Variants in AUTS2 observed in about 807,000 individuals in gnomAD.
AUTS2 encodes the protein activator of transcription and developmental regulator AUTS2, also known as autism susceptibility gene 2 protein.
In AUTS2, 17 loss-of-function variants were observed where a neutral mutation model predicts 112.4. The observed-to-expected ratio is 0.15, with a 90% CI of 0.10 to 0.23. The LOEUF is 0.23. AUTS2 is among the 10% of genes least tolerant of loss of function. The pLI, the probability that AUTS2 is intolerant of heterozygous loss-of-function variation, is 1.00. For missense variants in AUTS2, 1,510 were observed against 1,701.6 expected (o/e 0.89, Z 1.98); for synonymous variants, 751 against 702.7 (o/e 1.07, Z -1.09).
intron 4 of AUTS2, among the ~76,000 whole-genome samples, chr7:70,148,223 G>C (rs1279208500): frequency 6.6e-6 from 1 of 152,062 alleles, no homozygotes; most frequent in African/African-American, 2.4e-5. Flanking sequence ...TGAAAAGTAA[G>C]AAGACTTAGA....
chr7:70,047,980 T>G (rs975042742), intron 2 of AUTS2, among the ~76,000 whole-genome samples: 5 of 152,096 alleles, frequency 3.3e-5, no homozygotes, highest in Non-Finnish European at 5.9e-5. Flanking sequence ...ATTGGGAGCA[T>G]GGGTCTGCTG....
At chr7:70,364,481 G>A (rs1207121692) in intron 4 of AUTS2, among the ~76,000 whole-genome samples, 2 of 151,776 alleles carry the variant, frequency 1.3e-5, no homozygotes, top group Non-Finnish European at 2.9e-5. Context: ...CAGGAGAATT[G>A]CTTGAACCTG....
intron 11 of AUTS2, among the ~76,000 whole-genome samples, chr7:70,772,544 A>G (rs1259931272): frequency 6.6e-6 from 1 of 152,144 alleles, no homozygotes; most frequent in African/African-American, 2.4e-5. Flanking sequence ...TTTCCCCACC[A>G]TCTCATGGCT....
At chr7:69,927,569 C>T (rs1286087647) in intron 2 of AUTS2, among the ~76,000 whole-genome samples, 5 of 152,314 alleles carry the variant, frequency 3.3e-5, no homozygotes, top group African/African-American at 4.8e-5. Flanking sequence ...GGGCTCATTC[C>T]ACCCACTCTG....
At chr7:70,557,350 T>C (rs1801293214) in intron 5 of AUTS2, among the ~76,000 whole-genome samples, 1 of 152,170 alleles carries the variant, frequency 6.6e-6, no homozygotes, top group Non-Finnish European at 1.5e-5. Flanking sequence ...CCCTGGACTT[T>C]CAGCTGGCCA....
chr7:70,628,347 A>G (rs1415180163), intron 5 of AUTS2, among the ~76,000 whole-genome samples: 1 of 6,046 alleles, frequency 1.7e-4, no homozygotes, highest in Admixed American at 1.8e-3. Context: ...TATAGTATAT[A>G]TATATATGTA....
intron 1 of AUTS2, among the ~76,000 whole-genome samples, chr7:69,776,080 G>A (rs1387743835): frequency 3.3e-5 from 5 of 152,022 alleles, no homozygotes; most frequent in Non-Finnish European, 7.3e-5. Context: ...TCTATTGGTT[G>A]TTTTTGCATG....
chr7:70,668,499 C>A (rs1169112324), intron 5 of AUTS2, among the ~76,000 whole-genome samples: 1 of 152,230 alleles, frequency 6.6e-6, no homozygotes, highest in Non-Finnish European at 1.5e-5. Context: ...TGAACTTATT[C>A]TAGAAATATC....
chr7:70,263,296 C>T (rs926397652), intron 4 of AUTS2, among the ~76,000 whole-genome samples: 3 of 152,040 alleles, frequency 2.0e-5, no homozygotes, highest in Admixed American at 2.0e-4. Flanking sequence ...GTACATCTTA[C>T]GTTAAGTTTT....
intron 4 of AUTS2, among the ~76,000 whole-genome samples, chr7:70,434,812 T>A (rs763133424): frequency 1.3e-5 from 2 of 152,252 alleles, no homozygotes; most frequent in Admixed American, 6.5e-5. Flanking sequence ...CAGTCTAGTT[T>A]AGCAGTTCCT....
intron 1 of AUTS2, among the ~76,000 whole-genome samples, chr7:69,728,121 G>T (rs1481469476): frequency 1.3e-5 from 2 of 152,178 alleles, no homozygotes; most frequent in Non-Finnish European, 2.9e-5. Context: ...CTACACGAAA[G>T]AAATTGTTGA....
intron 2 of AUTS2, among the ~76,000 whole-genome samples, chr7:70,032,883 TA>T (rs58452434): frequency 5.8e-3 from 792 of 136,518 alleles, no homozygotes; most frequent in Middle Eastern, 0.014. Context: ...AGAGGCAGAG[TA>T]AAAAAAAAAA....
At chr7:70,112,791 ATATC>A (rs1276325588) in intron 2 of AUTS2, among the ~76,000 whole-genome samples, 1 of 151,926 alleles carries the variant, frequency 6.6e-6, no homozygotes, top group African/African-American at 2.4e-5. Context: ...ATTGATCTGT[ATATC>A]TATCCATCTC....
chr7:69,843,572 C>T (rs767403891), intron 1 of AUTS2, among the ~76,000 whole-genome samples: 4 of 152,008 alleles, frequency 2.6e-5, no homozygotes, highest in South Asian at 2.1e-4. Context: ...TGTTAAGTGG[C>T]GAATAAAGGA....
chr7:69,664,210 C>T (rs1447352233), intron 1 of AUTS2, among the ~76,000 whole-genome samples: 2 of 152,154 alleles, frequency 1.3e-5, no homozygotes, highest in East Asian at 3.9e-4. Flanking sequence ...CAGCACATGG[C>T]ATCATTATCA....
rs1020281534 is a variant in AUTS2, at chr7:70,290,703, C to G, written c.661-145049C>G. Reference sequence around the variant, plus strand: ...CCAATTCAGGTATCAGATCCTTTGACAATTGTTAACCTGCCCAGCTGGGAT... The same window carrying G: ...CCAATTCAGGTATCAGATCCTTTGAGAATTGTTAACCTGCCCAGCTGGGAT... On this transcript the variant is annotated intron_variant, in intron 4 of 18. Coordinates refer to ENST00000342771, the MANE Select transcript of AUTS2 (RefSeq NM_015570.4). 7 of 1,290,718 alleles carry G rather than the reference C, an allele frequency of 5.4e-6. No individual in the cohort carries two copies. The Admixed American group carries it at 2.5e-4, about 46-fold the overall frequency. The allele number at this position is 1,290,718 out of a possible 1,614,324, so 80.0% of individuals were successfully genotyped here. A position where few individuals can be genotyped will look rare whatever the true frequency, so the allele number is the denominator to read the frequency against.
intron 1 of AUTS2, among the ~76,000 whole-genome samples, chr7:69,695,059 A>G (rs1035037198): frequency 2.6e-5 from 4 of 152,078 alleles, no homozygotes; most frequent in Admixed American, 2.6e-4. Context: ...ATGGTAGCTC[A>G]TGCCTGTAAT....
chr7:70,765,049 C>T (rs781462397), intron 8 of AUTS2, 44 bp downstream of exon 8: 1 of 1,607,284 alleles, frequency 6.2e-7, no homozygotes, highest in Non-Finnish European at 8.5e-7. Flanking sequence ...CCCCCACCGC[C>T]CCTCGCTGTG....
At chr7:70,243,256 TG>T (rs2129601288) in intron 4 of AUTS2, among the ~76,000 whole-genome samples, 1 of 151,078 alleles carries the variant, frequency 6.6e-6, no homozygotes, top group Non-Finnish European at 1.5e-5. Context: ...TGTGTGTGTG[TG>T]TGTGTGTGTG....
Sources: allele counts gnomAD v4.1 joint callset (sites outside exome capture counted in the v4.1 genomes callset), GRCh38; gene constraint gnomAD v4.1.1; transcripts MANE v1.5; gene names NCBI Gene and HGNC (gene_info 2026-07-23, HGNC 2026-07-21).